GYS1: variants seen among roughly 807,000 people sequenced by gnomAD.
GYS1 encodes the protein glycogen [starch] synthase, muscle.
Under a neutral mutation model 89.1 loss-of-function variants are expected in GYS1, and 60 were observed. The observed-to-expected ratio is 0.67, with a 90% CI of 0.55 to 0.84. The LOEUF (loss-of-function observed/expected upper bound fraction) is 0.84. GYS1 is among the 40% of genes least tolerant of loss of function. GYS1 has a pLI of 0.00. For synonymous variants in GYS1, 366 were observed against 401.7 expected (o/e 0.91, Z 1.06); for missense variants, 888 against 1,003.1 (o/e 0.89, Z 1.55).
At position 48,977,908 on chromosome 19, in the gene GYS1, G is replaced by T; in HGVS notation, c.1308+16C>A. On this transcript the variant is annotated intron_variant, in intron 10 of 15. Transcript: ENST00000323798. ...CCAGGAACTGCTATCTCTCTGCACA[G>T]AGGTCCAATCCATACCTGCGTTGCA... The T allele has an allele frequency of 6.2e-7, 1 of 1,600,504 alleles. No individual in the cohort carries two copies. Among genetic ancestry groups the T allele is most frequent in the Middle Eastern group, 1.7e-4 (1 of 6,036 alleles).
intron 4 of GYS1, 36 bp from the exon 5 acceptor site, chr19:48,985,641 T>C (rs755559815): frequency 1.1e-5 from 18 of 1,612,366 alleles, no homozygotes; most frequent in East Asian, 2.2e-5. Flanking sequence ...GTTAGAAGGA[T>C]TGGGGAGAAG....
chr19:48,969,784 C>T lies in GYS1; in HGVS notation c.1881G>A (p.Glu627=). The T allele has an allele frequency of 6.2e-7, 1 of 1,613,946 alleles. No individual in the cohort carries two copies. The highest frequency in any genetic ancestry group is 8.5e-7 in the Non-Finnish European group (1 of 1,179,922). ...TCCAGGGTCCACTCACCGCATCCGCCTCGTTGGGCTCGTAGGTGAAGTGCT... is the reference window on the plus strand; with the variant it reads ...TCCAGGGTCCACTCACCGCATCCGCTTCGTTGGGCTCGTAGGTGAAGTGCT... The part of the protein sequence containing the change: ...FPEHFTYEPN[E]ADAAQGYRYP... Residue 627 remains glutamate, a synonymous_variant, in exon 15 of 16, where the codon GAG becomes GAA. Transcript: ENST00000323798.
chr19:48,986,580 G>GC lies in GYS1; in HGVS notation c.493-546dup, dbSNP rs1228648892. Among the ~76,000 whole-genome samples the GC allele has an allele frequency of 6.0e-5, 9 of 148,966 alleles. No individual in the cohort carries two copies. In the East Asian group the frequency reaches 1.8e-3, roughly 29 times the overall value. ...TGCCGTGATGCAATCTCAGCTCACT[G>GC]CAATTCCCGCCTCCCAGGTTCAAGC... On this transcript the variant is annotated intron_variant, in intron 3 of 15. Coordinates refer to ENST00000323798, the MANE Select transcript of GYS1 (RefSeq NM_002103.5).
At chr19:48,981,025 A>G (rs2038752495) in intron 8 of GYS1, among the ~76,000 whole-genome samples, 1 of 151,662 alleles carries the variant, frequency 6.6e-6, no homozygotes, top group Non-Finnish European at 1.5e-5. Context: ...AGGCAGGAAA[A>G]TCGCTTGAAC....
chr19:48,986,138 A>G, intron 3 of GYS1, 103 bp from the exon 4 acceptor site: 1 of 1,012,938 alleles, frequency 9.9e-7, no homozygotes, highest in Non-Finnish European at 1.5e-6. Flanking sequence ...ATCTGTCACC[A>G]CTACTGCACA....
At chr19:48,976,060 T>A (rs558655297) in intron 10 of GYS1, among the ~76,000 whole-genome samples, 22 of 151,942 alleles carry the variant, frequency 1.4e-4, no homozygotes, top group Non-Finnish European at 2.8e-4. Flanking sequence ...GGGTGTATAG[T>A]TCTTAGCAAC....
At chr19:48,978,418 T>A (rs1186057038) in intron 8 of GYS1, among the ~76,000 whole-genome samples, 1 of 148,104 alleles carries the variant, frequency 6.8e-6, no homozygotes, top group African/African-American at 2.5e-5. Context: ...AGAGACGGGG[T>A]TTCTCCATGT....
rs2038970473 is a variant in GYS1 at position 48,993,226 on chromosome 19, G to C, written c.-114C>G. The C allele has an allele frequency of 3.9e-6, 3 of 766,686 alleles. No individual in the cohort carries two copies. The highest frequency in any genetic ancestry group is 7.1e-6 in the Non-Finnish European group (3 of 419,862). 47.5% of individuals were successfully genotyped at this position (766,686 alleles called of 1,614,324 possible). A position where few individuals can be genotyped will look rare whatever the true frequency, so the allele number is the denominator to read the frequency against. On this transcript the variant is annotated 5_prime_UTR_variant, in exon 1 of 16. Coordinates refer to ENST00000323798, the MANE Select transcript of GYS1 (RefSeq NM_002103.5). The stretch of plus-strand genomic sequence containing the variant: ...GTAGCTGGTGCCCGACGGGAAGCTT[G>C]CAAGACGCTCGGCTTCCTATTGCAA...
intron 12 of GYS1, among the ~76,000 whole-genome samples, 172 bp downstream of exon 12, chr19:48,974,041 T>C (rs1220680180): frequency 6.6e-6 from 1 of 152,202 alleles, no homozygotes; most frequent in African/African-American, 2.4e-5. Context: ...AGTTTCTCAA[T>C]ACATGAGCTA....
Position 48,979,336 on chromosome 19 carries a change from C to CTTTTTTTTTTTTTTTTTTTTTTTTT in GYS1, c.1170-1204_1170-1180dup, listed in dbSNP as rs777178030. On this transcript the variant is annotated intron_variant, in intron 8 of 15. Transcript: ENST00000323798. ...TTTGTCTCTTTTTCTTTTTTCTTTTCTTTTTTTTTTTTTTTTTTTTTTTTT... is the reference window on the plus strand; with the variant it reads ...TTTGTCTCTTTTTCTTTTTTCTTTTCTTTTTTTTTTTTTTTTTTTTTTTTTTTTTTTTTTTTTTTTTTTTTTTTTT... Among the ~76,000 whole-genome samples, 82 of 92,750 alleles carry CTTTTTTTTTTTTTTTTTTTTTTTTT rather than the reference C, an allele frequency of 8.8e-4. 9 individuals are homozygous for CTTTTTTTTTTTTTTTTTTTTTTTTT. Among genetic ancestry groups the CTTTTTTTTTTTTTTTTTTTTTTTTT allele is most frequent in the Non-Finnish European group, 1.3e-3 (57 of 44,900 alleles). The allele number at this position is 92,750 out of a possible 152,430, so 60.8% of individuals were successfully genotyped here.
At chr19:48,984,741 C>G (rs777681539) in intron 5 of GYS1, among the ~76,000 whole-genome samples, 1 of 151,710 alleles carries the variant, frequency 6.6e-6, no homozygotes, top group Non-Finnish European at 1.5e-5. Context: ...ATTAGCCAGG[C>G]GTGGTGGCAG....
intron 2 of GYS1, among the ~76,000 whole-genome samples, chr19:48,990,842 T>C (rs138116771): frequency 0.012 from 1,816 of 152,308 alleles, 38 homozygotes; most frequent in African/African-American, 0.041. Context: ...TCGCCCAGGC[T>C]GGAGTGCAGT....
At position 48,973,428 on chromosome 19, in the gene GYS1, C is replaced by T. The variant is rs1314977357; in HGVS notation, c.1549+785G>A. Reference sequence around the variant, plus strand: ...AGGGAATTGGGGCTGACCGCGACTCCTAATTATCATGCAAGCACAGTTTGC... The same window carrying T: ...AGGGAATTGGGGCTGACCGCGACTCTTAATTATCATGCAAGCACAGTTTGC... On this transcript the variant is annotated intron_variant, in intron 12 of 15. Transcript: ENST00000323798. Among the ~76,000 whole-genome samples, 4 of 151,922 alleles carry T rather than the reference C, an allele frequency of 2.6e-5. No individual in the cohort carries two copies. In the East Asian group the frequency reaches 7.7e-4, roughly 29 times the overall value.
At chr19:48,977,856 T>A in intron 10 of GYS1, 68 bp downstream of exon 10, 1 of 1,174,436 alleles carries the variant, frequency 8.5e-7, no homozygotes, top group Non-Finnish European at 1.3e-6. Context: ...GGGTCTGAGC[T>A]GGCCTGGCAA....
At chr19:48,971,452 G>C (rs2038564878) in intron 12 of GYS1, among the ~76,000 whole-genome samples, 1 of 151,900 alleles carries the variant, frequency 6.6e-6, no homozygotes, top group South Asian at 2.1e-4. Context: ...CTCATTATTA[G>C]TATCCCTGTG....
chr19:48,973,180 C>T (rs2038591636), intron 12 of GYS1, among the ~76,000 whole-genome samples: 1 of 152,142 alleles, frequency 6.6e-6, no homozygotes, highest in Non-Finnish European at 1.5e-5. Flanking sequence ...GTTTTTCCTG[C>T]ACCCTCACAT....
At position 48,987,183 on chromosome 19, in the gene GYS1, A is replaced by AC; in HGVS notation, c.492+10dup. Reference sequence around the variant, plus strand: ...TTCAGGTATGGGTGGAATGTGTCAGACGGGGCCTACCTCACCCAGGAACCA... The same window carrying AC: ...TTCAGGTATGGGTGGAATGTGTCAGACCGGGGCCTACCTCACCCAGGAACCA... On this transcript the variant is annotated intron_variant, in intron 3 of 15. Transcript: ENST00000323798. 1.3e-6 allele frequency: 2 copies of AC among 1,597,402 alleles called. No individual in the cohort carries two copies. Among genetic ancestry groups the AC allele is most frequent in the Non-Finnish European group, 1.7e-6 (2 of 1,165,550 alleles).
In GYS1 at chr19:48,987,376, C is replaced by T. The variant is rs763807232; in HGVS notation, c.310G>A (p.Gly104Arg). The change falls in exon 3 of 16, where the codon GGG becomes AGG. Residue 104 changes from glycine to arginine, a missense_variant. Physicochemically the swap from Gly to Arg is moderately radical, Grantham distance 125. Coordinates refer to ENST00000323798, the MANE Select transcript of GYS1 (RefSeq NM_002103.5). ...MNSKGCKVYF[G>R]RWLIEGGPLV... ...GGGCCTCCCTCGATCAGCCAGCGCCCGAAATACACCTGGGATGGGGTTGGG... is the reference window on the plus strand; with the variant it reads ...GGGCCTCCCTCGATCAGCCAGCGCCTGAAATACACCTGGGATGGGGTTGGG... 1.0e-5 allele frequency: 16 copies of T among 1,600,920 alleles called. No homozygotes were observed. Among genetic ancestry groups the T allele is most frequent in the East Asian group, 6.7e-5 (3 of 44,542 alleles).
intron 12 of GYS1, 42 bp from the exon 13 acceptor site, chr19:48,971,065 C>G (rs1466764472): frequency 7.5e-7 from 1 of 1,339,816 alleles, no homozygotes; most frequent in Non-Finnish European, 1.1e-6. Context: ...CTTCCCTCAT[C>G]GCCTACCGTC....
Sources: gnomAD v4.1 joint callset for allele counts (sites outside exome capture counted in the v4.1 genomes callset) on GRCh38, gnomAD v4.1.1 for gene constraint, MANE v1.5 for transcripts, NCBI Gene and HGNC (gene_info 2026-07-23, HGNC 2026-07-21) for gene names.